Variants in TOP1MT observed in about 807,000 individuals in gnomAD.
TOP1MT encodes DNA topoisomerase I mitochondrial, also known as DNA topoisomerase I, mitochondrial.
Under a neutral mutation model 73.9 loss-of-function variants are expected in TOP1MT, and 80 were observed. The ratio of observed to expected loss-of-function variants is 1.08; its 90% confidence interval spans 0.90 to 1.30. TOP1MT has a LOEUF of 1.30. TOP1MT is among the 50% of genes most tolerant of loss of function. The pLI is 0.00. For synonymous variants in TOP1MT, 338 were observed against 326.4 expected (o/e 1.04, Z -0.38); for missense variants, 815 against 808.0 (o/e 1.01, Z -0.10).
chr8:143,309,873 T>C lies in TOP1MT; in HGVS notation c.1703+195A>G, dbSNP rs754050786. ...CACTGTCAGCACCCCCACTTCACCC[T>C]GTCCATCCGAACGTTCAGGGCAGGG... On this transcript the variant is annotated intron_variant, in intron 13 of 13. Transcript: ENST00000329245. 5.2e-6 allele frequency: 8 copies of C among 1,543,260 alleles called. No individual in the cohort carries two copies. In the South Asian group the frequency reaches 5.9e-5, roughly 11 times the overall value.
intron 8 of TOP1MT, 47 bp from the exon 9 acceptor site, chr8:143,318,133 C>T: frequency 6.3e-7 from 1 of 1,578,424 alleles, no homozygotes; most frequent in South Asian, 1.1e-5. Context: ...AACCCGAATC[C>T]AGTGAGGACC....
At chr8:143,316,318 A>G (rs952932288) in intron 10 of TOP1MT, among the ~76,000 whole-genome samples, 192 bp from the exon 11 acceptor site, 1 of 152,210 alleles carries the variant, frequency 6.6e-6, no homozygotes, top group Non-Finnish European at 1.5e-5. Flanking sequence ...CAGCGTCTTT[A>G]ACCACAGCAA....
chr8:143,334,855 C>G lies in TOP1MT; in HGVS notation c.7G>C (p.Val3Leu), dbSNP rs774822970. 3 of 1,496,990 alleles carry G rather than the reference C, an allele frequency of 2.0e-6. No homozygotes were observed. 92.7% of individuals were successfully genotyped at this position (1,496,990 alleles called of 1,614,324 possible). A position where few individuals can be genotyped will look rare whatever the true frequency, so the allele number is the denominator to read the frequency against. Residue 3 changes from valine to leucine, a missense_variant, in exon 1 of 14, where the codon GTG (valine) becomes CTG (leucine). This residue lies in a region of TOP1MT where 60 missense variants were observed against 65.9 expected (regional missense o/e 0.91). Transcript: ENST00000329245. Reference sequence around the variant, plus strand: ...GCCCGGAGCCGCAGCAGCCGCACCACGCGCATCTGCCAGCCTCCGGGAAAG... The same window carrying G: ...GCCCGGAGCCGCAGCAGCCGCACCAGGCGCATCTGCCAGCCTCCGGGAAAG... Reference protein sequence around the residue: MRVVRLLRLRAAL... With the variant: MRLVRLLRLRAAL...
chr8:143,335,266 G>A (rs1018381029), upstream of TOP1MT, among the ~76,000 whole-genome samples: 56 of 152,190 alleles, frequency 3.7e-4, no homozygotes, highest in Admixed American at 3.5e-3. Flanking sequence ...CTAAGTACAC[G>A]CTCTGCTGCT....
At chr8:143,313,476 G>A (rs1216803446) in intron 12 of TOP1MT, among the ~76,000 whole-genome samples, 1 of 150,938 alleles carries the variant, frequency 6.6e-6, no homozygotes, top group Non-Finnish European at 1.5e-5. Context: ...CTTGAACCCA[G>A]GAGGCAGAGG....
At chr8:143,313,948 C>T (rs1222436055) in intron 12 of TOP1MT, among the ~76,000 whole-genome samples, 2 of 152,208 alleles carry the variant, frequency 1.3e-5, no homozygotes, top group East Asian at 1.9e-4. Context: ...AACAACAACC[C>T]GACTGGAAAA....
chr8:143,341,749 G>A lies in TOP1MT; in HGVS notation c.29+1471C>T, dbSNP rs1817085183. Among the ~76,000 whole-genome samples, 1 of 152,184 alleles carries A rather than the reference G, an allele frequency of 6.6e-6. No individual in the cohort carries two copies. The highest frequency in any genetic ancestry group is 2.4e-5 in the African/African-American group (1 of 41,448). Reference sequence around the variant, plus strand: ...TACTGCCAGCGTCCACCCTGACCCAGACACAAAACACCAGAAAGGGAAGGT... The same window carrying A: ...TACTGCCAGCGTCCACCCTGACCCAAACACAAAACACCAGAAAGGGAAGGT... On this transcript the variant is annotated intron_variant, in intron 2 of 5. Coordinates refer to the TOP1MT transcript ENST00000518007. This position sits in a 1 kb window ranked among gnomAD's most constrained non-coding sequence, Gnocchi z 4.1.
chr8:143,325,753 C>T (rs566885719), intron 4 of TOP1MT, among the ~76,000 whole-genome samples: 196 of 152,238 alleles, frequency 1.3e-3, no homozygotes, highest in Non-Finnish European at 2.2e-3. Context: ...GGCCTGGACT[C>T]CCCGGCCCCT....
intron 1 of TOP1MT, among the ~76,000 whole-genome samples, chr8:143,354,244 C>A (rs1412308904): frequency 6.6e-6 from 1 of 152,132 alleles, no homozygotes; most frequent in East Asian, 1.9e-4. Flanking sequence ...GAAGTGTTAA[C>A]CCAGCACAGT....
chr8:143,322,665 C>CGCCACACACGCAA (rs1816504367), intron 7 of TOP1MT, among the ~76,000 whole-genome samples: 1 of 123,206 alleles, frequency 8.1e-6, no homozygotes, highest in Admixed American at 7.9e-5. Flanking sequence ...CACACACGCA[C>CGCCACACACGCAA]GCCACACACG....
intron 13 of TOP1MT, 65 bp from the exon 14 acceptor site, chr8:143,309,608 T>C: frequency 6.2e-7 from 1 of 1,603,810 alleles, no homozygotes; most frequent in Non-Finnish European, 8.5e-7. Flanking sequence ...CAGGTCAGGG[T>C]GCTCGGCAAG....
chr8:143,315,677 G>C, intron 12 of TOP1MT, 50 bp downstream of exon 12: 1 of 1,487,308 alleles, frequency 6.7e-7, no homozygotes, highest in Middle Eastern at 1.7e-4. Flanking sequence ...TGGACCCTAC[G>C]GGTTGGGACA....
intron 7 of TOP1MT, among the ~76,000 whole-genome samples, chr8:143,321,796 C>CCA (rs757417457): frequency 0.063 from 2,468 of 39,332 alleles, 231 homozygotes; most frequent in East Asian, 0.26. Context: ...CACACGCACG[C>CCA]CACACACGCA....
chr8:143,334,297 G>A (rs1816932910), intron 1 of TOP1MT: 1 of 155,680 alleles, frequency 6.4e-6, no homozygotes, highest in South Asian at 1.8e-4. Context: ...TGGTGATGTA[G>A]ATATGACAGT....
At chr8:143,336,788 G>A (rs112379311), upstream of TOP1MT, among the ~76,000 whole-genome samples, 5,111 of 152,136 alleles carry the variant, frequency 0.034, 277 homozygotes, top group African/African-American at 0.12. Context: ...TTCAAGACCA[G>A]CCTGGGCAAC....
chr8:143,327,617 ACTCCTGTT>A (rs1301215143), intron 3 of TOP1MT: 1 of 209,880 alleles, frequency 4.8e-6, no homozygotes, highest in Non-Finnish European at 1.0e-5. Flanking sequence ...TGTGCCACCC[ACTCCTGTT>A]CTGCTGCTTT....
At chr8:143,339,258 C>T (rs1209891161), upstream of TOP1MT, among the ~76,000 whole-genome samples, 1 of 152,196 alleles carries the variant, frequency 6.6e-6, no homozygotes, top group Admixed American at 6.5e-5. Flanking sequence ...AAAATACTGT[C>T]ATTCAACATA....
chr8:143,331,248 C>T lies in TOP1MT; in HGVS notation c.214G>A (p.Asp72Asn), dbSNP rs759500846. The change falls in exon 2 of 14, where the codon GAC becomes AAC. Residue 72 changes from aspartate to asparagine, a missense_variant. Asp to Asn is a conservative substitution (Grantham distance 23). Transcript: ENST00000329245. ...YFAPPYEPLP[D>N]GVRFFYEGRP... is the part of the protein sequence containing the mutation. ...CCTTCATAGAAGAAACGCACTCCGT[C>T]GGGAAGGGGCTCGTATGGGGGTGCG... The T allele has an allele frequency of 8.1e-6, 13 of 1,610,248 alleles. No homozygotes were observed. Among genetic ancestry groups the T allele is most frequent in the East Asian group, 2.2e-5 (1 of 44,812 alleles).
At chr8:143,338,325 T>C (rs1257750819), upstream of TOP1MT, among the ~76,000 whole-genome samples, 2 of 152,188 alleles carry the variant, frequency 1.3e-5, no homozygotes, top group South Asian at 4.2e-4. Flanking sequence ...CTCAGCACTT[T>C]GGGAGGCCAA....
Sources: gnomAD v4.1 joint callset for allele counts (sites outside exome capture counted in the v4.1 genomes callset) on GRCh38, gnomAD v4.1.1 for gene constraint, gnomAD v4.1.1 regional missense constraint, Gnocchi (gnomAD v3.1) non-coding constraint, MANE v1.5 for transcripts, NCBI Gene and HGNC (gene_info 2026-07-23, HGNC 2026-07-21) for gene names.